Variants in SLC44A3 observed in about 807,000 individuals in gnomAD.
SLC44A3 encodes the protein choline transporter-like protein 3.
Under a neutral mutation model 75.4 loss-of-function variants are expected in SLC44A3, and 74 were observed. The observed-to-expected ratio is 0.98, with a 90% CI of 0.81 to 1.19. The LOEUF (loss-of-function observed/expected upper bound fraction) is 1.19. SLC44A3 is among the 50% of genes most tolerant of loss of function. The probability of loss-of-function intolerance (pLI) is 0.00; values close to 1 mark genes in which losing one functional copy is unlikely to be tolerated. For missense variants in SLC44A3, 700 were observed against 778.6 expected, an observed-to-expected ratio of 0.90 and a Z score of 1.20; for synonymous variants, 310 against 296.9, an observed-to-expected ratio of 1.04 and a Z score of -0.45.
chr1:94,831,995 C>T (rs191511649), intron 5 of SLC44A3, among the ~76,000 whole-genome samples: 63 of 152,188 alleles, frequency 4.1e-4, no homozygotes, highest in African/African-American at 7.0e-4. Context: ...GGTGAAAGCC[C>T]GTCTCTACTA....
At chr1:94,876,555 G>GA (rs1197055148) in intron 12 of SLC44A3, among the ~76,000 whole-genome samples, 1 of 152,124 alleles carries the variant, frequency 6.6e-6, no homozygotes, top group East Asian at 1.9e-4. Context: ...TTCATAAAAA[G>GA]AAAAAAGCAT....
At chr1:94,822,755 C>G (rs1660787521) in intron 2 of SLC44A3, among the ~76,000 whole-genome samples, 1 of 152,180 alleles carries the variant, frequency 6.6e-6, no homozygotes, top group African/African-American at 2.4e-5. Context: ...TCCTATCATC[C>G]CTCAAGATTC....
intron 12 of SLC44A3, among the ~76,000 whole-genome samples, chr1:94,876,162 G>T (rs1346817595): frequency 2.6e-5 from 4 of 152,220 alleles, no homozygotes; most frequent in African/African-American, 9.6e-5. Flanking sequence ...GGGCTAGAGT[G>T]GGGAGGTGCC....
intron 10 of SLC44A3, among the ~76,000 whole-genome samples, chr1:94,860,732 C>T (rs9432394): frequency 0.2 from 30,627 of 152,172 alleles, 3,319 homozygotes; most frequent in Middle Eastern, 0.27. Flanking sequence ...TAAAGAAGAA[C>T]AAAGTCATGC....
chr1:94,839,646 C>T (rs1337314653), intron 6 of SLC44A3, among the ~76,000 whole-genome samples: 4 of 152,152 alleles, frequency 2.6e-5, no homozygotes, highest in Non-Finnish European at 5.9e-5. Context: ...GCCTCGGCCT[C>T]CCAAAGTGCT....
In SLC44A3 at chr1:94,867,421, C is replaced by T. The variant is rs777811147; in HGVS notation, c.1482+4C>T. 43 of 1,600,160 alleles carry T rather than the reference C, an allele frequency of 2.7e-5. No homozygotes were observed. Among genetic ancestry groups the T allele is most frequent in the East Asian group, 6.8e-5 (3 of 44,292 alleles). On this transcript the variant is annotated splice_donor_region_variant and intron_variant, in intron 12 of 14. Transcript: ENST00000271227. Reference sequence around the variant, plus strand: ...ATACCTGCTCCATCTCAACCAGGTACGTCTCTACCTCTTGCCTCAGGAACA... The same window carrying T: ...ATACCTGCTCCATCTCAACCAGGTATGTCTCTACCTCTTGCCTCAGGAACA...
intron 9 of SLC44A3, among the ~76,000 whole-genome samples, chr1:94,846,146 CAAAA>C (rs66647106): frequency 8.3e-6 from 1 of 120,200 alleles, no homozygotes. Context: ...GACTCTGTCT[CAAAA>C]AAAAAAAAAA....
At chr1:94,893,946 T>C (rs1670495279) in intron 14 of SLC44A3, among the ~76,000 whole-genome samples, 1 of 151,888 alleles carries the variant, frequency 6.6e-6, no homozygotes, top group Admixed American at 6.6e-5. Flanking sequence ...AATACAAAAA[T>C]TAGCCAGGCA....
intron 10 of SLC44A3, among the ~76,000 whole-genome samples, chr1:94,859,486 C>G (rs1666317844): frequency 6.6e-6 from 1 of 152,200 alleles, no homozygotes; most frequent in Admixed American, 6.5e-5. Flanking sequence ...TGTGTGTTGG[C>G]TGCATGAGGA....
At chr1:94,869,675 A>G (rs1252979351) in intron 12 of SLC44A3, among the ~76,000 whole-genome samples, 1 of 152,214 alleles carries the variant, frequency 6.6e-6, no homozygotes, top group East Asian at 1.9e-4. Flanking sequence ...AATGTTTAAG[A>G]ATAAAGATGA....
chr1:94,870,976 T>C (rs1667709836), intron 12 of SLC44A3, among the ~76,000 whole-genome samples: 1 of 152,178 alleles, frequency 6.6e-6, no homozygotes, highest in Non-Finnish European at 1.5e-5. Flanking sequence ...CCACCATTCG[T>C]GGCCAGTTGT....
intron 12 of SLC44A3, among the ~76,000 whole-genome samples, chr1:94,873,160 C>T (rs1036870663): frequency 6.6e-6 from 1 of 152,238 alleles, no homozygotes; most frequent in African/African-American, 2.4e-5. Flanking sequence ...ATGTCCAATG[C>T]CTTTCACAGC....
At chr1:94,838,541 G>A (rs1285962398) in intron 6 of SLC44A3, among the ~76,000 whole-genome samples, 1 of 152,234 alleles carries the variant, frequency 6.6e-6, no homozygotes, top group Non-Finnish European at 1.5e-5. Context: ...AGAGCCTATT[G>A]TCTCCTCGCT....
rs1014901149 is a variant in SLC44A3, at chr1:94,832,666, A to G, written c.509+4080A>G. Reference sequence around the variant, plus strand: ...CTTTAAGTTGCAACAGACACTTTCAATTCAATAATTAAAATGTTCAGCCCA... The same window carrying G: ...CTTTAAGTTGCAACAGACACTTTCAGTTCAATAATTAAAATGTTCAGCCCA... On this transcript the variant is annotated intron_variant, in intron 5 of 14. Coordinates refer to ENST00000271227, the MANE Select transcript of SLC44A3 (RefSeq NM_001114106.3). Among the ~76,000 whole-genome samples the G allele has an allele frequency of 2.9e-4, 44 of 152,324 alleles. 1 individual carries two copies. In the South Asian group the frequency reaches 8.9e-3, roughly 31 times the overall value.
chr1:94,847,829 G>A (rs1664615435), intron 9 of SLC44A3, among the ~76,000 whole-genome samples: 1 of 148,206 alleles, frequency 6.7e-6, no homozygotes, highest in Non-Finnish European at 1.5e-5. Flanking sequence ...TCATACAGCT[G>A]GGAGGCATGA....
At chr1:94,858,498 A>G (rs1666179266) in intron 10 of SLC44A3, among the ~76,000 whole-genome samples, 2 of 152,278 alleles carry the variant, frequency 1.3e-5, no homozygotes, top group South Asian at 4.2e-4. Context: ...GAACCCAGCC[A>G]GGGCAATGGC....
At chr1:94,829,728 T>A (rs915638777) in intron 5 of SLC44A3, among the ~76,000 whole-genome samples, 1 of 152,236 alleles carries the variant, frequency 6.6e-6, no homozygotes, top group Non-Finnish European at 1.5e-5. Context: ...ATGTTTACAA[T>A]GTAGGAGACC....
At chr1:94,873,735 A>C (rs1379622151) in intron 12 of SLC44A3, among the ~76,000 whole-genome samples, 1 of 152,202 alleles carries the variant, frequency 6.6e-6, no homozygotes, top group Non-Finnish European at 1.5e-5. Flanking sequence ...TGGTTGGTTC[A>C]TCCCAAGCCA....
intron 1 of SLC44A3, 62 bp from the exon 2 acceptor site, chr1:94,820,887 C>T (rs1170366167): frequency 2.8e-6 from 4 of 1,454,014 alleles, no homozygotes; most frequent in Non-Finnish European, 3.7e-6. Flanking sequence ...GATTTGGGTT[C>T]GGTTTCCAGG....
Sources: gnomAD v4.1 joint callset for allele counts (sites outside exome capture counted in the v4.1 genomes callset) on GRCh38, gnomAD v4.1.1 for gene constraint, MANE v1.5 for transcripts, NCBI Gene and HGNC (gene_info 2026-07-23, HGNC 2026-07-21) for gene names.